CATSPERT: variants seen among roughly 807,000 people sequenced by gnomAD.
The protein encoded by CATSPERT is cation channel sperm-associated targeting subunit tau.
At chr2:201,512,440 C>T in the CATSPERT span, among the ~76,000 whole-genome samples, 1 of 152,144 alleles carries the variant, frequency 6.6e-6, no homozygotes, top group Non-Finnish European at 1.5e-5. Flanking sequence ...CCATTTCCTT[C>T]CTGCCCCCAT....
At chr2:201,529,194 A>G in the CATSPERT span, among the ~76,000 whole-genome samples, 1 of 152,182 alleles carries the variant, frequency 6.6e-6, no homozygotes, top group African/African-American at 2.4e-5. Flanking sequence ...TACAGATTCA[A>G]TCCAATTCCC....
the CATSPERT span, among the ~76,000 whole-genome samples, chr2:201,526,912 A>G: frequency 3.3e-5 from 5 of 152,114 alleles, no homozygotes; most frequent in African/African-American, 4.8e-5. Context: ...AGTTCTTCCA[A>G]AATCAGGCAA....
chr2:201,535,033 G>T, the CATSPERT span: 1 of 701,852 alleles, frequency 1.4e-6, no homozygotes, highest in Non-Finnish European at 1.8e-6. Context: ...AATTATAACT[G>T]CTTTTATTTT....
the CATSPERT span, among the ~76,000 whole-genome samples, chr2:201,552,329 C>T: frequency 9.9e-5 from 15 of 152,260 alleles, no homozygotes; most frequent in South Asian, 1.2e-3. Flanking sequence ...CACCATGGGA[C>T]CTGTACGAAG....
chr2:201,607,657 CAA>C, the CATSPERT span, among the ~76,000 whole-genome samples: 1 of 151,994 alleles, frequency 6.6e-6, no homozygotes, highest in Non-Finnish European at 1.5e-5. Context: ...CACACACACA[CAA>C]AATTAATATA....
At chr2:201,493,616 A>C in the CATSPERT span, 67 of 1,537,130 alleles carry the variant, frequency 4.4e-5, no homozygotes, top group Non-Finnish European at 5.7e-5. Flanking sequence ...TCTTCATGAA[A>C]TAGAATATGT....
chr2:201,551,201 CAGTT>C, the CATSPERT span, among the ~76,000 whole-genome samples: 3 of 152,120 alleles, frequency 2.0e-5, no homozygotes, highest in African/African-American at 7.2e-5. Context: ...AAAAATGTTT[CAGTT>C]AGTATATCAT....
At chr2:201,581,564 A>G in the CATSPERT span, among the ~76,000 whole-genome samples, 1 of 70,362 alleles carries the variant, frequency 1.4e-5, no homozygotes, top group Admixed American at 1.4e-4. Context: ...ATATATATAT[A>G]TATATATATA....
the CATSPERT span, among the ~76,000 whole-genome samples, chr2:201,606,025 A>T: frequency 1.3e-5 from 2 of 152,242 alleles, no homozygotes; most frequent in African/African-American, 2.4e-5. Context: ...AGAGAATGAT[A>T]ATGAGATAGA....
At chr2:201,518,219 A>G in the CATSPERT span, among the ~76,000 whole-genome samples, 2 of 152,150 alleles carry the variant, frequency 1.3e-5, 1 homozygote, top group Non-Finnish European at 2.9e-5. Flanking sequence ...GTTGGGGTGG[A>G]GGTAGGGGGA....
At chr2:201,572,784 T>G in the CATSPERT span, among the ~76,000 whole-genome samples, 1 of 152,110 alleles carries the variant, frequency 6.6e-6, no homozygotes, top group African/African-American at 2.4e-5. Flanking sequence ...AAAAAGCTTG[T>G]TCCTTGTGGC....
the CATSPERT span, among the ~76,000 whole-genome samples, chr2:201,517,816 A>G: frequency 0.041 from 6,278 of 152,296 alleles, 163 homozygotes; most frequent in Admixed American, 0.073. Context: ...CCACCTCAAG[A>G]TGGGAAAAAG....
chr2:201,601,925 A>G, the CATSPERT span: 1 of 1,445,024 alleles, frequency 6.9e-7, no homozygotes, highest in South Asian at 1.2e-5. Context: ...TTTTGTTGTA[A>G]TTGAACAATA....
the CATSPERT span, among the ~76,000 whole-genome samples, chr2:201,552,001 TC>T: frequency 6.6e-6 from 1 of 152,048 alleles, no homozygotes; most frequent in Non-Finnish European, 1.5e-5. Flanking sequence ...CTTTTTTTTT[TC>T]TTTTTTGGGA....
chr2:201,513,663 A>C, the CATSPERT span, among the ~76,000 whole-genome samples: 1 of 152,218 alleles, frequency 6.6e-6, no homozygotes, highest in South Asian at 2.1e-4. Flanking sequence ...ACAATAGCAA[A>C]GACATGGAGT....
the CATSPERT span, among the ~76,000 whole-genome samples, chr2:201,581,591 TATAC>T: frequency 0.15 from 6,583 of 45,310 alleles, 1,341 homozygotes; most frequent in East Asian, 0.34. Flanking sequence ...TATATATATA[TATAC>T]ACATACATAT....
chr2:201,525,340 A>G, the CATSPERT span, among the ~76,000 whole-genome samples: 1 of 152,184 alleles, frequency 6.6e-6, no homozygotes, highest in Non-Finnish European at 1.5e-5. Flanking sequence ...AAATTAGACA[A>G]CCTAATTCTG....
At chr2:201,524,973 C>G in the CATSPERT span, among the ~76,000 whole-genome samples, 12 of 152,172 alleles carry the variant, frequency 7.9e-5, no homozygotes, top group African/African-American at 2.4e-4. Flanking sequence ...GAAACAAGTT[C>G]TTAGAGACCT....
chr2:201,604,497 T>C, the CATSPERT span: 26 of 550,900 alleles, frequency 4.7e-5, no homozygotes, highest in East Asian at 7.3e-4. Context: ...TTCTGACTCA[T>C]AAAAATGAAA....
Sources: gnomAD v4.1 joint callset for allele counts (sites outside exome capture counted in the v4.1 genomes callset) on GRCh38, gnomAD v4.1.1 for gene constraint, MANE v1.5 for transcripts, NCBI Gene and HGNC (gene_info 2026-07-23, HGNC 2026-07-21) for gene names.